TMEM217B: variants seen among roughly 807,000 people sequenced by gnomAD.
TMEM217B encodes the protein putative transmembrane protein 217B.
At chr6:37,243,136 G>A in the TMEM217B span, among the ~76,000 whole-genome samples, 1 of 152,100 alleles carries the variant, frequency 6.6e-6, no homozygotes, top group Non-Finnish European at 1.5e-5. Context: ...AAAAGAATAT[G>A]GAAGGAAATA....
chr6:37,242,283 C>G, the TMEM217B span, among the ~76,000 whole-genome samples: 1 of 152,278 alleles, frequency 6.6e-6, no homozygotes. Context: ...CAAACACAGG[C>G]CCCCACGGTG....
the TMEM217B span, among the ~76,000 whole-genome samples, chr6:37,254,809 ACCTTTTTGGCAC>A: frequency 1.3e-5 from 2 of 152,120 alleles, no homozygotes; most frequent in Non-Finnish European, 1.5e-5. Flanking sequence ...GTAGTCCCCA[ACCTTTTTGGCAC>A]CTGGGACCAG....
At chr6:37,226,479 A>T in the TMEM217B span, among the ~76,000 whole-genome samples, 1 of 147,846 alleles carries the variant, frequency 6.8e-6, no homozygotes, top group Admixed American at 6.7e-5. Context: ...TTGTATTTTG[A>T]GTAGAGACGG....
chr6:37,247,706 A>G, the TMEM217B span, among the ~76,000 whole-genome samples: 2 of 152,118 alleles, frequency 1.3e-5, no homozygotes, highest in African/African-American at 2.4e-5. Context: ...AACTACCACA[A>G]TGGACAACAG....
At chr6:37,245,305 G>A in the TMEM217B span, among the ~76,000 whole-genome samples, 1 of 152,230 alleles carries the variant, frequency 6.6e-6, no homozygotes, top group African/African-American at 2.4e-5. Flanking sequence ...TGACTCCATA[G>A]GTACACTGAG....
chr6:37,219,399 C>T, the TMEM217B span, among the ~76,000 whole-genome samples: 1 of 152,142 alleles, frequency 6.6e-6, no homozygotes, highest in East Asian at 1.9e-4. Flanking sequence ...TAGTAATTTT[C>T]GTATGTAGCC....
the TMEM217B span, among the ~76,000 whole-genome samples, chr6:37,252,273 A>G: frequency 6.6e-6 from 1 of 152,186 alleles, no homozygotes; most frequent in Non-Finnish European, 1.5e-5. Flanking sequence ...TTCAAATTTC[A>G]ATGTGGATAA....
chr6:37,228,868 G>A, the TMEM217B span, among the ~76,000 whole-genome samples: 1 of 151,618 alleles, frequency 6.6e-6, no homozygotes, highest in African/African-American at 2.4e-5. Context: ...GTGGTGGCGG[G>A]TGCCTGTAGT....
the TMEM217B span, among the ~76,000 whole-genome samples, chr6:37,246,649 C>A: frequency 6.6e-6 from 1 of 152,050 alleles, no homozygotes; most frequent in Non-Finnish European, 1.5e-5. Flanking sequence ...ACGTCTGTAA[C>A]CCCGGCACTT....
the TMEM217B span, among the ~76,000 whole-genome samples, chr6:37,242,733 T>C: frequency 6.6e-6 from 1 of 152,208 alleles, no homozygotes; most frequent in African/African-American, 2.4e-5. Context: ...CTTCTTCACC[T>C]GCTCATCTCT....
the TMEM217B span, among the ~76,000 whole-genome samples, chr6:37,241,001 C>T: frequency 1.2e-4 from 18 of 151,952 alleles, no homozygotes; most frequent in Admixed American, 2.0e-4. Context: ...GTTTTACTGA[C>T]CTTTTTGCAA....
the TMEM217B span, among the ~76,000 whole-genome samples, chr6:37,221,334 GCAC>G: frequency 1.3e-5 from 2 of 152,006 alleles, no homozygotes; most frequent in Non-Finnish European, 2.9e-5. Flanking sequence ...CTACAGGAGT[GCAC>G]CACCACACCT....
the TMEM217B span, among the ~76,000 whole-genome samples, chr6:37,245,357 A>G: frequency 6.6e-6 from 1 of 152,212 alleles, no homozygotes; most frequent in Admixed American, 6.5e-5. Flanking sequence ...TGCCACAGCT[A>G]TTCTCCCAAA....
At chr6:37,217,525 C>T in the TMEM217B span, 73 of 594,942 alleles carry the variant, frequency 1.2e-4, 1 homozygote, top group East Asian at 1.0e-2. Context: ...CTACAGAGTA[C>T]AGCACAGCAA....
chr6:37,243,463 C>CA, the TMEM217B span, among the ~76,000 whole-genome samples: 1 of 152,158 alleles, frequency 6.6e-6, no homozygotes, highest in Non-Finnish European at 1.5e-5. Flanking sequence ...GCCTGCTACA[C>CA]AGACAAAACC....
At chr6:37,251,000 G>T in the TMEM217B span, among the ~76,000 whole-genome samples, 1 of 149,858 alleles carries the variant, frequency 6.7e-6, no homozygotes, top group Non-Finnish European at 1.5e-5. Flanking sequence ...TTTTAAGAGG[G>T]GCTCCAAAGA....
chr6:37,215,363 T>C, the TMEM217B span: 1 of 1,488,436 alleles, frequency 6.7e-7, no homozygotes, highest in Non-Finnish European at 9.0e-7. Context: ...GATCACGAGG[T>C]CAGGAGTTCA....
At chr6:37,216,749 C>T in the TMEM217B span, among the ~76,000 whole-genome samples, 2 of 152,016 alleles carry the variant, frequency 1.3e-5, no homozygotes, top group East Asian at 3.9e-4. Context: ...AAAGATGGGG[C>T]CTTTAGGAGG....
chr6:37,226,331 C>G, the TMEM217B span, among the ~76,000 whole-genome samples: 2 of 108,002 alleles, frequency 1.9e-5, no homozygotes, highest in African/African-American at 7.1e-5. Flanking sequence ...CTCGCTCTTT[C>G]GCCCAGGCTG....
Sources: gnomAD v4.1 joint callset for allele counts (sites outside exome capture counted in the v4.1 genomes callset) on GRCh38, gnomAD v4.1.1 for gene constraint, MANE v1.5 for transcripts, NCBI Gene and HGNC (gene_info 2026-07-23, HGNC 2026-07-21) for gene names.